The following PACRG variants were observed in gnomAD, a reference collection of about 807,000 sequenced individuals.
The protein encoded by PACRG is parkin coregulated, also known as parkin coregulated gene protein.
Under a neutral mutation model 29.7 loss-of-function variants are expected in PACRG, and 29 were observed. The observed-to-expected ratio is 0.98, with a 90% CI of 0.73 to 1.33. The LOEUF is 1.33. Among genes scored for constraint, PACRG ranks in the 40% most tolerant of loss-of-function variants. PACRG has a pLI of 0.00. For missense variants in PACRG, 279 were observed against 316.2 expected (o/e 0.88, Z 0.89); for synonymous variants, 116 against 118.7 (o/e 0.98, Z 0.15).
At chr6:162,923,907 T>A (rs1797239394) in intron 2 of PACRG, among the ~76,000 whole-genome samples, 2 of 152,142 alleles carry the variant, frequency 1.3e-5, no homozygotes, top group African/African-American at 4.8e-5. Flanking sequence ...ATTTTGCTAG[T>A]TCTGTGAAGA....
chr6:163,128,529 A>G lies in PACRG; in HGVS notation c.613+39121A>G, dbSNP rs978275922. On this transcript the variant is annotated intron_variant, in intron 4 of 4. Transcript: ENST00000366888. Reference sequence around the variant, plus strand: ...GCTGAGCTTTTTTAAAAATTGAGCTATATTCATGCAAGTTATATAACTTAA... The same window carrying G: ...GCTGAGCTTTTTTAAAAATTGAGCTGTATTCATGCAAGTTATATAACTTAA... 3.9e-5 allele frequency among the ~76,000 whole-genome samples: 6 copies of G among 152,216 alleles called. No individual in the cohort carries two copies. In the South Asian group the frequency reaches 8.3e-4, roughly 21 times the overall value.
intron 2 of PACRG, among the ~76,000 whole-genome samples, chr6:163,056,506 A>T (rs1307452753): frequency 6.6e-6 from 1 of 152,186 alleles, no homozygotes; most frequent in African/African-American, 2.4e-5. Context: ...CTTAGAAAAG[A>T]AACTTTTAAC....
intron 2 of PACRG, among the ~76,000 whole-genome samples, chr6:162,943,547 C>T (rs907766132): frequency 6.6e-6 from 1 of 152,144 alleles, no homozygotes; most frequent in African/African-American, 2.4e-5. Flanking sequence ...CCGCTGGTTC[C>T]CCAACCCAGG....
intron 4 of PACRG, among the ~76,000 whole-genome samples, chr6:163,278,896 T>A (rs2128183091): frequency 6.6e-6 from 1 of 152,306 alleles, no homozygotes; most frequent in East Asian, 1.9e-4. Context: ...TTGATTGGAA[T>A]TTCTTTGTTT....
chr6:163,064,234 A>G (rs1232312441), intron 3 of PACRG, among the ~76,000 whole-genome samples: 2 of 152,126 alleles, frequency 1.3e-5, no homozygotes, highest in Admixed American at 6.5e-5. Context: ...AGCATACCAC[A>G]CTGGAGTTTT....
intron 4 of PACRG, among the ~76,000 whole-genome samples, chr6:163,141,444 G>T (rs1048748278): frequency 4.1e-5 from 6 of 147,222 alleles, no homozygotes; most frequent in Admixed American, 3.4e-4. Flanking sequence ...TAATGTATGT[G>T]TTTTTTTTTT....
At chr6:162,800,403 C>CA (rs1242471804) in intron 1 of PACRG, among the ~76,000 whole-genome samples, 4 of 152,082 alleles carry the variant, frequency 2.6e-5, no homozygotes, top group Non-Finnish European at 4.4e-5. Flanking sequence ...GCTTTCAGGA[C>CA]AATTGTAGAC....
chr6:162,970,552 T>G (rs1314918780), intron 2 of PACRG, among the ~76,000 whole-genome samples: 1 of 152,144 alleles, frequency 6.6e-6, no homozygotes, highest in Non-Finnish European at 1.5e-5. Flanking sequence ...CCCACCCACT[T>G]TCACCCTTCC....
intron 4 of PACRG, among the ~76,000 whole-genome samples, chr6:163,259,065 G>A (rs1392237122): frequency 6.6e-6 from 1 of 152,128 alleles, no homozygotes; most frequent in African/African-American, 2.4e-5. Context: ...AGCATTATTA[G>A]ACCCATTTTT....
At chr6:163,105,271 G>A (rs2128316135) in intron 4 of PACRG, among the ~76,000 whole-genome samples, 1 of 152,208 alleles carries the variant, frequency 6.6e-6, no homozygotes, top group Admixed American at 6.5e-5. Flanking sequence ...CTATTAAAAT[G>A]ATAGTTTTGT....
chr6:163,102,624 A>G (rs1240563743), intron 4 of PACRG, among the ~76,000 whole-genome samples: 1 of 152,216 alleles, frequency 6.6e-6, no homozygotes, highest in South Asian at 2.1e-4. Flanking sequence ...ATCTTTGCTA[A>G]GGACCACGTG....
intron 1 of PACRG, among the ~76,000 whole-genome samples, chr6:162,813,802 G>A (rs1268902094): frequency 2.0e-5 from 3 of 152,160 alleles, no homozygotes; most frequent in African/African-American, 7.2e-5. Context: ...ATTTGAAATT[G>A]TAAAAGTTTT....
intron 2 of PACRG, among the ~76,000 whole-genome samples, chr6:163,056,680 T>C (rs1810617914): frequency 6.6e-6 from 1 of 152,138 alleles, no homozygotes; most frequent in South Asian, 2.1e-4. Flanking sequence ...GTGGGATTTA[T>C]GGTAAGTAGG....
intron 4 of PACRG, among the ~76,000 whole-genome samples, chr6:163,167,068 A>T (rs567633051): frequency 6.6e-6 from 1 of 152,334 alleles, no homozygotes; most frequent in African/African-American, 2.4e-5. Flanking sequence ...TTGGATGATG[A>T]TGCTATTGGG....
intron 2 of PACRG, among the ~76,000 whole-genome samples, chr6:162,939,150 A>G (rs1426979226): frequency 6.6e-6 from 1 of 152,242 alleles, no homozygotes; most frequent in South Asian, 2.1e-4. Flanking sequence ...AAACAAAAGC[A>G]TAAAGTGGGG....
intron 4 of PACRG, among the ~76,000 whole-genome samples, chr6:163,181,533 C>T (rs1265318937): frequency 2.0e-5 from 3 of 150,324 alleles, no homozygotes; most frequent in Non-Finnish European, 3.0e-5. Flanking sequence ...CAAGTCCACC[C>T]CCAGAGGATT....
chr6:162,854,873 A>G (rs1791237593), intron 2 of PACRG, among the ~76,000 whole-genome samples: 1 of 152,226 alleles, frequency 6.6e-6, no homozygotes, highest in African/African-American at 2.4e-5. Flanking sequence ...TGAATTTCAC[A>G]TGGGTAGTCC....
chr6:162,966,572 G>T (rs994376213), intron 2 of PACRG, among the ~76,000 whole-genome samples: 2 of 151,154 alleles, frequency 1.3e-5, no homozygotes, highest in Non-Finnish European at 2.9e-5. Context: ...CGCCTCCCGG[G>T]TTCATGCCAT....
chr6:163,177,719 T>TTTTTTTTTTTTTTTTTTC (rs1779446024), intron 4 of PACRG, among the ~76,000 whole-genome samples: 1 of 133,562 alleles, frequency 7.5e-6, no homozygotes, highest in African/African-American at 2.8e-5. Context: ...GATTTTTTTT[T>TTTTTTTTTTTTTTTTTTC]TTTTTTTTTT....
Sources: gnomAD v4.1 joint callset for allele counts (sites outside exome capture counted in the v4.1 genomes callset) on GRCh38, gnomAD v4.1.1 for gene constraint, MANE v1.5 for transcripts, NCBI Gene and HGNC (gene_info 2026-07-23, HGNC 2026-07-21) for gene names.